The following BTNL8 variants were observed in gnomAD, a reference collection of about 807,000 sequenced individuals.
The protein encoded by BTNL8 is butyrophilin-like protein 8.
In BTNL8, 22 loss-of-function variants were observed where a neutral mutation model predicts 36.1. The observed-to-expected ratio is 0.61, with a 90% confidence interval of 0.44 to 0.87. BTNL8 has a LOEUF of 0.87. BTNL8 is among the 40% of genes least tolerant of loss of function. BTNL8 has a pLI of 0.00. For synonymous variants in BTNL8, 203 were observed against 235.6 expected (o/e 0.86, Z 1.27); for missense variants, 526 against 616.9 (o/e 0.85, Z 1.56).
At chr5:180,903,909 G>C (rs1427157557) in intron 1 of BTNL8, among the ~76,000 whole-genome samples, 165 of 121,694 alleles carry the variant, frequency 1.4e-3, no homozygotes, top group Non-Finnish European at 1.8e-3. Flanking sequence ...CCAGTACCAT[G>C]CTGTTTTGGT....
intron 3 of BTNL8, among the ~76,000 whole-genome samples, chr5:180,932,194 C>A (rs1485083685): frequency 6.6e-6 from 1 of 152,052 alleles, no homozygotes; most frequent in Non-Finnish European, 1.5e-5. Flanking sequence ...ATATTACACA[C>A]TGGGTCATGT....
At chr5:180,910,056 A>C (rs1458871138) in intron 2 of BTNL8, 3 of 152,052 alleles carry the variant, frequency 2.0e-5, no homozygotes, top group African/African-American at 7.2e-5. Context: ...CTCTGAGGAG[A>C]GTTTCAGGTG....
At chr5:180,901,656 A>AAGG (rs1756825541) in intron 1 of BTNL8, among the ~76,000 whole-genome samples, 1 of 152,206 alleles carries the variant, frequency 6.6e-6, no homozygotes, top group East Asian at 1.9e-4. Context: ...AGGCTCACAG[A>AAGG]AAACATGTAA....
intron 3 of BTNL8, chr5:180,945,944 G>A (rs1033815476): frequency 5.8e-5 from 11 of 189,302 alleles, no homozygotes; most frequent in Non-Finnish European, 1.3e-4. Context: ...AGGCATCTAC[G>A]CAATGAAAAA....
In BTNL8 at chr5:180,911,476, T is replaced by C; in HGVS notation, c.535T>C (p.Ser179Pro). Residue 179 changes from serine (S) to proline (P), a missense_variant, in exon 3 of 8, where the codon TCC becomes CCC. Transcript: ENST00000340184. The part of the protein sequence containing the change: ...GPQGQDLSTD[S>P]RTNRDMHGLF... ...ACAAGGACAGGATTTGTCCACAGAC[T>C]CCAGGACAAACAGAGACATGCATGG... The C allele has an allele frequency of 6.2e-7, 1 of 1,614,146 alleles. No homozygotes were observed. Among genetic ancestry groups the C allele is most frequent in the Non-Finnish European group, 8.5e-7 (1 of 1,180,016 alleles).
At chr5:180,927,273 C>G (rs1199297519) in intron 3 of BTNL8, among the ~76,000 whole-genome samples, 1 of 152,190 alleles carries the variant, frequency 6.6e-6, no homozygotes, top group Admixed American at 6.5e-5. Flanking sequence ...AAAGGAATAG[C>G]ATCAACATCA....
chr5:180,920,421 T>TTCCA (rs80336193), intron 3 of BTNL8, among the ~76,000 whole-genome samples: 36,410 of 151,786 alleles, frequency 0.24, 4,948 homozygotes, highest in Admixed American at 0.3. Context: ...GACTCATATT[T>TTCCA]TCCATCACAC....
chr5:180,928,831 A>T, intron 3 of BTNL8, among the ~76,000 whole-genome samples: 1 of 152,252 alleles, frequency 6.6e-6, no homozygotes, highest in South Asian at 2.1e-4. Context: ...TTAGAGACCT[A>T]CAAAGAGACT....
chr5:180,925,643 T>C (rs185546687), intron 3 of BTNL8, among the ~76,000 whole-genome samples: 1 of 152,260 alleles, frequency 6.6e-6, no homozygotes, highest in Admixed American at 6.5e-5. Flanking sequence ...ATTTTATAAA[T>C]ATTACTAAAG....
At chr5:180,932,667 T>A (rs1360943722) in intron 3 of BTNL8, among the ~76,000 whole-genome samples, 1 of 152,134 alleles carries the variant, frequency 6.6e-6, no homozygotes, top group Non-Finnish European at 1.5e-5. Flanking sequence ...GTATAATTTT[T>A]AAAAAGCCAC....
chr5:180,943,899 C>T (rs756143673), intron 3 of BTNL8, among the ~76,000 whole-genome samples: 3 of 152,064 alleles, frequency 2.0e-5, no homozygotes, highest in Non-Finnish European at 2.9e-5. Flanking sequence ...GAATATTATT[C>T]AGTAATAAAA....
At chr5:180,908,968 AG>A in intron 2 of BTNL8, 35 bp downstream of exon 2, 10 of 1,579,318 alleles carry the variant, frequency 6.3e-6, no homozygotes, top group Non-Finnish European at 6.9e-6. Flanking sequence ...GTTGTCCCAA[AG>A]AACCATCCTG....
chr5:180,918,758 T>C (rs1247159038), intron 3 of BTNL8, among the ~76,000 whole-genome samples: 1 of 152,182 alleles, frequency 6.6e-6, no homozygotes, highest in Non-Finnish European at 1.5e-5. Flanking sequence ...GCAGGACAAC[T>C]TGAAATGGGG....
intron 3 of BTNL8, among the ~76,000 whole-genome samples, chr5:180,943,586 A>T (rs1375804483): frequency 6.6e-6 from 1 of 152,254 alleles, no homozygotes. Flanking sequence ...ATTATCAAAA[A>T]GACAAAAGAT....
chr5:180,947,753 A>G, intron 4 of BTNL8, 128 bp downstream of exon 4: 2 of 1,613,888 alleles, frequency 1.2e-6, no homozygotes, highest in Non-Finnish European at 1.7e-6. Flanking sequence ...CAGGCCCAAA[A>G]AAGTAATCAT....
intron 3 of BTNL8, among the ~76,000 whole-genome samples, chr5:180,940,137 G>C (rs930240231): frequency 2.0e-5 from 3 of 152,070 alleles, no homozygotes; most frequent in Non-Finnish European, 4.4e-5. Flanking sequence ...ACGAGGTCAA[G>C]GGGTCAAGAC....
chr5:180,911,127 G>A (rs1287051172), intron 2 of BTNL8, among the ~76,000 whole-genome samples: 1 of 152,180 alleles, frequency 6.6e-6, no homozygotes, highest in Non-Finnish European at 1.5e-5. Context: ...CATCATGACT[G>A]GTGCTTAGGA....
chr5:180,914,742 C>G (rs1328760467), intron 3 of BTNL8, among the ~76,000 whole-genome samples: 1 of 152,152 alleles, frequency 6.6e-6, no homozygotes, highest in South Asian at 2.1e-4. Flanking sequence ...CACAGAAACA[C>G]TAATTTTAAC....
Position 180,911,609 on chromosome 5 carries a change from TAGG to T in BTNL8, c.672_673+1del, listed in dbSNP as rs1335594027. On this transcript the variant is annotated inframe_deletion and splice_region_variant, in exon 3 of 8. Coordinates refer to ENST00000340184, the MANE Select transcript of BTNL8 (RefSeq NM_001040462.3). ...CGAGAGGTGGAATCCAGGGTACAGA[TAGG>T]AGGTGAGTAGGGAGGGGAGGAGAAG... 2.5e-6 allele frequency: 4 copies of T among 1,606,452 alleles called. No individual in the cohort carries two copies. The highest frequency in any genetic ancestry group is 2.2e-5 in the East Asian group (1 of 44,654).
Sources: gnomAD v4.1 joint callset for allele counts (sites outside exome capture counted in the v4.1 genomes callset) on GRCh38, gnomAD v4.1.1 for gene constraint, MANE v1.5 for transcripts, NCBI Gene and HGNC (gene_info 2026-07-23, HGNC 2026-07-21) for gene names.